Variants in ADCY8 observed in about 807,000 individuals in gnomAD.
ADCY8 encodes adenylate cyclase type 8.
Under a neutral mutation model 119.7 loss-of-function variants are expected in ADCY8, and 51 were observed. The ratio of observed to expected loss-of-function variants is 0.43; its 90% CI spans 0.34 to 0.54. ADCY8 has a LOEUF of 0.54. Ranked by LOEUF, ADCY8 falls within the 20% of genes least tolerant of loss-of-function variation. The probability of loss-of-function intolerance (pLI) is 0.03; values close to 1 mark genes in which losing one functional copy is unlikely to be tolerated. For missense variants in ADCY8, 1,383 were observed against 1,598.8 expected (o/e 0.87, Z 2.30); for synonymous variants, 665 against 651.0 (o/e 1.02, Z -0.33).
At chr8:130,904,331 T>A (rs1293038173) in intron 6 of ADCY8, among the ~76,000 whole-genome samples, 2 of 151,598 alleles carry the variant, frequency 1.3e-5, no homozygotes, top group African/African-American at 2.4e-5. Context: ...CTTATGATTG[T>A]CAGCCTGATC....
At chr8:130,887,735 A>G (rs1819040051) in intron 7 of ADCY8, among the ~76,000 whole-genome samples, 1 of 152,134 alleles carries the variant, frequency 6.6e-6, no homozygotes, top group Admixed American at 6.6e-5. Context: ...CAAAGGCTAC[A>G]TGTCTTTGGG....
At chr8:130,969,570 T>C (rs947654346) in intron 2 of ADCY8, among the ~76,000 whole-genome samples, 5 of 152,208 alleles carry the variant, frequency 3.3e-5, no homozygotes, top group African/African-American at 1.2e-4. Context: ...AGACCCTGTA[T>C]TGAGTTTCTC....
At chr8:130,882,951 G>A (rs991586165) in intron 8 of ADCY8, among the ~76,000 whole-genome samples, 19 of 152,108 alleles carry the variant, frequency 1.2e-4, no homozygotes, top group African/African-American at 4.6e-4. Flanking sequence ...CCCATGCAAT[G>A]CATAGCACAG....
Position 131,000,784 on chromosome 8 carries a change from C to T in ADCY8, c.961-10242G>A, listed in dbSNP as rs183920128. Among the ~76,000 whole-genome samples, 51 of 152,006 alleles carry T rather than the reference C, an allele frequency of 3.4e-4. No individual in the cohort carries two copies. The East Asian group carries it at 7.8e-3, about 23-fold the overall frequency. ...GGCTCGCCACATGCACCCTAGGATT[C>T]GGCCATTTTTACAGATCAGTTCTTG... On this transcript the variant is annotated intron_variant, in intron 1 of 17. Transcript: ENST00000286355.
chr8:130,837,537 A>T (rs1185771488), intron 11 of ADCY8, among the ~76,000 whole-genome samples: 2 of 152,222 alleles, frequency 1.3e-5, no homozygotes, highest in African/African-American at 4.8e-5. Context: ...GTAACTGCTT[A>T]AATTGCAAAT....
intron 2 of ADCY8, among the ~76,000 whole-genome samples, chr8:130,989,293 T>C (rs1822501275): frequency 6.6e-6 from 1 of 152,198 alleles, no homozygotes; most frequent in Non-Finnish European, 1.5e-5. Context: ...AGGTAGGCCC[T>C]ACCTGTCTGT....
chr8:130,962,905 G>C (rs957650002), intron 2 of ADCY8, among the ~76,000 whole-genome samples: 2 of 152,176 alleles, frequency 1.3e-5, no homozygotes, highest in Non-Finnish European at 2.9e-5. Context: ...TCTTATTGTT[G>C]TTGATCACAC....
chr8:131,014,259 C>T (rs755098919), intron 1 of ADCY8, among the ~76,000 whole-genome samples: 13 of 152,104 alleles, frequency 8.5e-5, no homozygotes, highest in African/African-American at 1.2e-4. Flanking sequence ...ACTCATTTCA[C>T]GTTTCAATCA....
chr8:130,884,703 G>A lies in ADCY8; in HGVS notation c.1970C>T (p.Ala657Val), dbSNP rs376569097. The change falls in exon 8 of 18, where the codon GCT becomes GTT. Residue 657 changes from alanine to valine, a missense_variant. Physicochemically the swap from Ala to Val is moderately conservative, Grantham distance 64. Coordinates refer to ENST00000286355, the MANE Select transcript of ADCY8 (RefSeq NM_001115.3). The stretch of plus-strand genomic sequence containing the variant: ...CTCAGGCCCAGACTGGACATGCAAA[G>A]CTTGTGCAAGATGGTTTGGAAGCAG... ...INLLPNHLAQ[A>V]LHVQSGPEEI... is the part of the protein sequence containing the mutation. 8.1e-6 allele frequency: 13 copies of A among 1,613,798 alleles called. No homozygotes were observed. The highest frequency in any genetic ancestry group is 1.1e-5 in the South Asian group (1 of 91,090).
intron 1 of ADCY8, among the ~76,000 whole-genome samples, chr8:131,036,049 A>T (rs1243534427): frequency 2.0e-5 from 3 of 152,166 alleles, no homozygotes; most frequent in Non-Finnish European, 4.4e-5. Flanking sequence ...ATAGTTTCAA[A>T]TGCTTACATG....
chr8:130,984,280 G>A (rs2130730049), intron 2 of ADCY8, among the ~76,000 whole-genome samples: 1 of 152,274 alleles, frequency 6.6e-6, no homozygotes, highest in South Asian at 2.1e-4. Flanking sequence ...CTGTGGGGAG[G>A]AAGCACATTC....
chr8:131,003,606 C>T (rs2130766748), intron 1 of ADCY8, among the ~76,000 whole-genome samples: 1 of 132,168 alleles, frequency 7.6e-6, no homozygotes. Context: ...TTTACACATG[C>T]TATTTTATGG....
At chr8:130,784,379 C>A (rs1390707444) in intron 16 of ADCY8, among the ~76,000 whole-genome samples, 3 of 152,172 alleles carry the variant, frequency 2.0e-5, no homozygotes, top group African/African-American at 7.2e-5. Flanking sequence ...CTCTCTGAAC[C>A]TCAGTTTCCA....
chr8:130,846,532 CTTCCTTCCTTCCTTCATTCCTTCA>C (rs1817302431), intron 11 of ADCY8, among the ~76,000 whole-genome samples: 2 of 125,580 alleles, frequency 1.6e-5, no homozygotes, highest in Non-Finnish European at 3.3e-5. Flanking sequence ...CCCTCCCTCC[CTTCCTTCCTTCCTTCATTCCTTCA>C]TTCCTTCCTT....
At chr8:130,804,445 G>A (rs1815880044) in intron 14 of ADCY8, among the ~76,000 whole-genome samples, 2 of 152,128 alleles carry the variant, frequency 1.3e-5, no homozygotes, top group Non-Finnish European at 2.9e-5. Context: ...TAAAGATGCT[G>A]TCTCTAAATA....
intron 1 of ADCY8, among the ~76,000 whole-genome samples, chr8:131,038,702 A>AC (rs1309629516): frequency 6.6e-6 from 1 of 152,106 alleles, no homozygotes; most frequent in East Asian, 1.9e-4. Flanking sequence ...ATTCTTTGCC[A>AC]CCCCCAATTA....
intron 6 of ADCY8, among the ~76,000 whole-genome samples, chr8:130,909,171 T>C (rs918020995): frequency 6.6e-6 from 1 of 152,172 alleles, no homozygotes; most frequent in African/African-American, 2.4e-5. Context: ...TTTTCAAGAC[T>C]TACATTAGTT....
chr8:130,852,324 A>C (rs1817559447), intron 9 of ADCY8, among the ~76,000 whole-genome samples: 1 of 152,142 alleles, frequency 6.6e-6, no homozygotes, highest in African/African-American at 2.4e-5. Context: ...TCTCTGTAGG[A>C]GTTCTATATA....
At chr8:130,965,609 T>A (rs557573925) in intron 2 of ADCY8, among the ~76,000 whole-genome samples, 1 of 152,350 alleles carries the variant, frequency 6.6e-6, no homozygotes, top group Non-Finnish European at 1.5e-5. Flanking sequence ...TAATAGCTGC[T>A]CTACTTACTA....
Sources: allele counts gnomAD v4.1 joint callset (sites outside exome capture counted in the v4.1 genomes callset), GRCh38; gene constraint gnomAD v4.1.1; transcripts MANE v1.5; gene names NCBI Gene and HGNC (gene_info 2026-07-23, HGNC 2026-07-21).